Variants in ATP6V1C2 observed in about 807,000 individuals in gnomAD.
ATP6V1C2 encodes the protein V-type proton ATPase subunit C 2.
Under a neutral mutation model 56.8 loss-of-function variants are expected in ATP6V1C2, and 45 were observed. The ratio of observed to expected loss-of-function variants is 0.79; its 90% CI spans 0.62 to 1.02. The LOEUF is 1.02. ATP6V1C2 is among the 50% of genes least tolerant of loss of function. The pLI is 0.00. For missense variants in ATP6V1C2, 463 were observed against 519.7 expected, an observed-to-expected ratio of 0.89 and a Z score of 1.06; for synonymous variants, 220 against 201.3, an observed-to-expected ratio of 1.09 and a Z score of -0.79.
chr2:10,781,092 G>T (rs142750266), intron 12 of ATP6V1C2, among the ~76,000 whole-genome samples: 3 of 152,252 alleles, frequency 2.0e-5, no homozygotes, highest in Admixed American at 6.5e-5. Flanking sequence ...TTAGCAGGAC[G>T]GGTGCCACAG....
At chr2:10,766,820 A>G (rs1053305716) in intron 5 of ATP6V1C2, among the ~76,000 whole-genome samples, 6 of 152,204 alleles carry the variant, frequency 3.9e-5, no homozygotes, top group African/African-American at 1.4e-4. Flanking sequence ...GTATACTTCT[A>G]TCGTGCAGAA....
intron 3 of ATP6V1C2, among the ~76,000 whole-genome samples, chr2:10,752,514 A>G (rs1663280096): frequency 6.6e-6 from 1 of 152,364 alleles, no homozygotes; most frequent in South Asian, 2.1e-4. Flanking sequence ...TTGGATCATC[A>G]TAACTTTCAG....
At chr2:10,742,806 G>A (rs897285792) in intron 3 of ATP6V1C2, among the ~76,000 whole-genome samples, 13 of 152,156 alleles carry the variant, frequency 8.5e-5, no homozygotes, top group Non-Finnish European at 1.5e-4. Context: ...GGAAAGGAAG[G>A]AAAGGGCACG....
chr2:10,735,599 T>TC (rs1491208265), intron 3 of ATP6V1C2, among the ~76,000 whole-genome samples: 4 of 149,128 alleles, frequency 2.7e-5, no homozygotes, highest in Admixed American at 6.6e-5. Flanking sequence ...TTTTTTTTTT[T>TC]CTCTCTTTTT....
At chr2:10,747,080 C>T (rs1662956172) in intron 3 of ATP6V1C2, among the ~76,000 whole-genome samples, 1 of 152,130 alleles carries the variant, frequency 6.6e-6, no homozygotes, top group African/African-American at 2.4e-5. Flanking sequence ...ACCAGCCTGA[C>T]CAACATGAAG....
chr2:10,772,575 A>C lies in ATP6V1C2; in HGVS notation c.603A>C (p.Glu201Asp), dbSNP rs774984939. Residue 201 changes from glutamate to aspartate, a missense_variant, in exon 8 of 14, where the codon GAA (glutamate) becomes GAC (aspartate). Transcript: ENST00000272238. ...ACTCACAATGGCAAAAAACCTACGA[A>C]TCTCTCTCAGACATGGTGGTCCCTC... ...PNYSQWQKTYESLSDMVVPRS... is the reference protein window; with the variant it reads ...PNYSQWQKTYDSLSDMVVPRS... 6.2e-7 allele frequency: 1 copy of C among 1,613,876 alleles called. No individual in the cohort carries two copies. Among genetic ancestry groups the C allele is most frequent in the Non-Finnish European group, 8.5e-7 (1 of 1,179,978 alleles).
Position 10,722,945 on chromosome 2 carries a change from T to G in ATP6V1C2, c.96T>G (p.Ser32=), listed in dbSNP as rs1276548627. The change falls in exon 2 of 14, where the codon TCT becomes TCG. Residue 32 remains serine (S), a synonymous_variant. Coordinates refer to ENST00000272238, the MANE Select transcript of ATP6V1C2 (RefSeq NM_001039362.2). ...CTGTAACCTCCAAGTCCAACCTGTC[T>G]TATAATACCAAATTCGCTATTCCTG... ...MNTVTSKSNL[S]YNTKFAIPDF... 1.9e-6 allele frequency: 3 copies of G among 1,613,990 alleles called. No homozygotes were observed. Among genetic ancestry groups the G allele is most frequent in the Middle Eastern group, 1.6e-4 (1 of 6,084 alleles).
intron 6 of ATP6V1C2, among the ~76,000 whole-genome samples, 179 bp from the exon 7 acceptor site, chr2:10,771,659 GC>G (rs1317973937): frequency 6.6e-6 from 1 of 152,224 alleles, no homozygotes; most frequent in Non-Finnish European, 1.5e-5. Flanking sequence ...ACAGAGCCTG[GC>G]CCTGGGGTTG....
chr2:10,737,728 C>T (rs1048661281), intron 3 of ATP6V1C2, among the ~76,000 whole-genome samples: 3 of 152,156 alleles, frequency 2.0e-5, no homozygotes, highest in Non-Finnish European at 1.5e-5. Context: ...CTCACTCTGT[C>T]GCCCAGGCTG....
chr2:10,778,419 C>G (rs993206938), intron 11 of ATP6V1C2, 153 bp from the exon 12 acceptor site: 3 of 685,744 alleles, frequency 4.4e-6, no homozygotes, highest in Non-Finnish European at 7.4e-6. Context: ...GGTCCTGAGC[C>G]TGACCCAGGG....
intron 10 of ATP6V1C2, 145 bp downstream of exon 10, chr2:10,775,216 G>A (rs62128999): frequency 0.034 from 22,912 of 675,280 alleles, 517 homozygotes; most frequent in Non-Finnish European, 0.045. Context: ...TGTTCTCATG[G>A]GACGCCTGAG....
In ATP6V1C2 at chr2:10,778,564, C is replaced by T; in HGVS notation, c.964-8C>T. ...AGCAGGGGTCACCTGGCTCTTCTGT[C>T]TTTGCAGGGCCCCCTGCTGCGCTGG... On this transcript the variant is annotated splice_region_variant and splice_polypyrimidine_tract_variant and intron_variant, in intron 11 of 13. Coordinates refer to ENST00000272238, the MANE Select transcript of ATP6V1C2 (RefSeq NM_001039362.2). The T allele has an allele frequency of 6.2e-7, 1 of 1,613,946 alleles. No homozygotes were observed. Among genetic ancestry groups the T allele is most frequent in the Non-Finnish European group, 8.5e-7 (1 of 1,179,866 alleles).
chr2:10,780,777 G>A lies in ATP6V1C2; in HGVS notation c.1062-1466G>A, dbSNP rs1349663828. Reference sequence around the variant, plus strand: ...TTTTTTTTTTTTGAGATGGACTCTTGCTGTCGCCTAGGCTGGAGTGCAGTG... The same window carrying A: ...TTTTTTTTTTTTGAGATGGACTCTTACTGTCGCCTAGGCTGGAGTGCAGTG... On this transcript the variant is annotated intron_variant, in intron 12 of 13. Transcript: ENST00000272238. This position sits in a 1 kb window ranked among gnomAD's most constrained non-coding sequence, Gnocchi z 4.1. Among the ~76,000 whole-genome samples the A allele has an allele frequency of 6.8e-6, 1 of 147,026 alleles. No homozygotes were observed. The highest frequency in any genetic ancestry group is 2.5e-5 in the African/African-American group (1 of 39,360).
chr2:10,723,408 A>G (rs1661465406), intron 2 of ATP6V1C2, among the ~76,000 whole-genome samples: 2 of 152,012 alleles, frequency 1.3e-5, no homozygotes, highest in Non-Finnish European at 2.9e-5. Context: ...ACCTGGGGGC[A>G]GGGGAGGAAA....
At chr2:10,748,058 C>T (rs892705312) in intron 3 of ATP6V1C2, among the ~76,000 whole-genome samples, 8 of 152,006 alleles carry the variant, frequency 5.3e-5, no homozygotes, top group Non-Finnish European at 8.8e-5. Context: ...CCACTACGCC[C>T]GGCTAATTTT....
intron 5 of ATP6V1C2, among the ~76,000 whole-genome samples, chr2:10,766,769 G>A (rs1664246273): frequency 6.6e-6 from 1 of 152,084 alleles, no homozygotes; most frequent in Non-Finnish European, 1.5e-5. Flanking sequence ...TACTCATATA[G>A]TTGTATAGTT....
At chr2:10,777,879 T>C (rs1467593558) in intron 11 of ATP6V1C2, among the ~76,000 whole-genome samples, 157 bp downstream of exon 11, 1 of 151,894 alleles carries the variant, frequency 6.6e-6, no homozygotes, top group Non-Finnish European at 1.5e-5. Flanking sequence ...CCTCCTAATC[T>C]GCAGGGCCTC....
intron 3 of ATP6V1C2, among the ~76,000 whole-genome samples, chr2:10,740,934 G>A (rs193156907): frequency 2.6e-5 from 4 of 152,318 alleles, no homozygotes; most frequent in South Asian, 4.1e-4. Flanking sequence ...TGATCCGCCC[G>A]CCTTGGCCTC....
intron 8 of ATP6V1C2, 49 bp from the exon 9 acceptor site, chr2:10,774,739 G>A (rs755102383): frequency 1.0e-4 from 156 of 1,558,130 alleles, no homozygotes; most frequent in East Asian, 4.3e-4. Context: ...CCCCACTCCC[G>A]CACAAGGCCT....
Sources: allele counts gnomAD v4.1 joint callset (sites outside exome capture counted in the v4.1 genomes callset), GRCh38; gene constraint gnomAD v4.1.1; non-coding constraint Gnocchi (gnomAD v3.1); transcripts MANE v1.5; gene names NCBI Gene and HGNC (gene_info 2026-07-23, HGNC 2026-07-21).